Variants in TCEA1 observed in about 807,000 individuals in gnomAD.
TCEA1 encodes the protein transcription elongation factor A protein 1.
A neutral mutation model predicts 43.8 loss-of-function variants in TCEA1; 21 were observed. The ratio of observed to expected loss-of-function variants is 0.48; its 90% CI spans 0.34 to 0.69. TCEA1 has a LOEUF of 0.69. Ranked by LOEUF, TCEA1 falls within the 30% of genes least tolerant of loss-of-function variation. The pLI is 0.01. For synonymous variants in TCEA1, 104 were observed against 117.5 expected (o/e 0.88, Z 0.75); for missense variants, 250 against 365.1 (o/e 0.68, Z 2.57).
At chr8:54,000,987 G>C (rs966391562) in intron 2 of TCEA1, among the ~76,000 whole-genome samples, 6 of 151,932 alleles carry the variant, frequency 3.9e-5, no homozygotes, top group African/African-American at 1.2e-4. Context: ...TCAAACTCTA[G>C]ACCTCAGGTG....
At position 53,986,970 on chromosome 8, in the gene TCEA1, T is replaced by G; in HGVS notation, c.522A>C (p.Glu174Asp). Reference protein sequence around the residue: ...DEEELGSQIEEAIYQEIRNTD... With the variant: ...DEEELGSQIEDAIYQEIRNTD... Reference sequence around the variant, plus strand: ...TATGAATATACACACAAAGGATATCTTCTTCAATTTGAGATCCTAATTCTT... The same window carrying G: ...TATGAATATACACACAAAGGATATCGTCTTCAATTTGAGATCCTAATTCTT... Residue 174 changes from glutamate to aspartate, a missense_variant and splice_region_variant, in exon 6 of 10, where the codon GAA (glutamate) becomes GAC (aspartate). By Grantham distance (45) the Glu-to-Asp change is conservative (BLOSUM62 2). Coordinates refer to ENST00000521604, the MANE Select transcript of TCEA1 (RefSeq NM_006756.4). The G allele has an allele frequency of 6.3e-7, 1 of 1,591,290 alleles. No individual in the cohort carries two copies. The highest frequency in any genetic ancestry group is 1.7e-4 in the Middle Eastern group (1 of 6,020).
At chr8:54,001,247 T>C (rs1222847105) in intron 2 of TCEA1, among the ~76,000 whole-genome samples, 1 of 152,080 alleles carries the variant, frequency 6.6e-6, no homozygotes, top group Non-Finnish European at 1.5e-5. Context: ...ATATGGTCTA[T>C]GGAAGAAAAA....
chr8:53,977,577 T>C (rs1289389209), intron 8 of TCEA1, among the ~76,000 whole-genome samples: 2 of 152,196 alleles, frequency 1.3e-5, no homozygotes, highest in Admixed American at 1.3e-4. Context: ...TAATGTTCTA[T>C]CGGTGAAAAA....
intron 6 of TCEA1, among the ~76,000 whole-genome samples, chr8:53,985,815 T>TCC (rs931552930): frequency 2.0e-5 from 3 of 152,112 alleles, no homozygotes; most frequent in Non-Finnish European, 2.9e-5. Flanking sequence ...TGCTCTGAGG[T>TCC]CCCCCTAACT....
intron 1 of TCEA1, among the ~76,000 whole-genome samples, chr8:54,013,751 G>A (rs1429770639): frequency 3.1e-4 from 46 of 150,632 alleles, no homozygotes; most frequent in Non-Finnish European, 1.5e-5. Context: ...CTGAATGAGT[G>A]AAATGCAAAA....
intron 1 of TCEA1, among the ~76,000 whole-genome samples, chr8:54,012,797 T>C (rs1343540695): frequency 6.6e-6 from 1 of 151,970 alleles, no homozygotes; most frequent in Non-Finnish European, 1.5e-5. Flanking sequence ...AAAAATTAGC[T>C]GGCCATAGTG....
At chr8:53,992,876 C>T (rs182397608) in intron 4 of TCEA1, among the ~76,000 whole-genome samples, 6 of 151,858 alleles carry the variant, frequency 4.0e-5, no homozygotes, top group Non-Finnish European at 8.8e-5. Flanking sequence ...AGAACACATG[C>T]AAAGGCCTCA....
At chr8:54,004,684 T>C (rs992962601) in intron 2 of TCEA1, among the ~76,000 whole-genome samples, 6 of 152,100 alleles carry the variant, frequency 3.9e-5, no homozygotes, top group African/African-American at 9.7e-5. Context: ...CTAAAGTTAA[T>C]TGTGGTGATA....
chr8:53,995,851 T>C (rs769615792), intron 3 of TCEA1, among the ~76,000 whole-genome samples: 22 of 152,340 alleles, frequency 1.4e-4, no homozygotes, highest in African/African-American at 2.4e-4. Context: ...TCTTGTAAAG[T>C]TGAAGTTTGT....
chr8:53,985,567 A>G (rs12114842), intron 6 of TCEA1, among the ~76,000 whole-genome samples: 6 of 152,300 alleles, frequency 3.9e-5, no homozygotes, highest in African/African-American at 1.4e-4. Context: ...CCCCCAGCTC[A>G]GCAGGAGCTA....
intron 9 of TCEA1, among the ~76,000 whole-genome samples, chr8:53,969,617 A>G (rs1304064401): frequency 6.6e-6 from 1 of 152,190 alleles, no homozygotes; most frequent in Non-Finnish European, 1.5e-5. Context: ...TCACAATCCG[A>G]AATGTAGGTA....
At chr8:53,993,580 G>A in intron 4 of TCEA1, 88 bp downstream of exon 4, 1 of 1,039,650 alleles carries the variant, frequency 9.6e-7, no homozygotes, top group Non-Finnish European at 1.4e-6. Context: ...AAAAAGGAGT[G>A]TAAATAGGGG....
intron 4 of TCEA1, 150 bp from the exon 5 acceptor site, chr8:53,988,409 GCATA>G: frequency 6.6e-6 from 6 of 914,114 alleles, no homozygotes; most frequent in Non-Finnish European, 9.2e-6. Flanking sequence ...AAAATTGCCT[GCATA>G]CAGATTAAAA....
intron 7 of TCEA1, among the ~76,000 whole-genome samples, chr8:53,983,542 CAGG>C (rs1159752681): frequency 6.6e-6 from 1 of 152,078 alleles, no homozygotes; most frequent in South Asian, 2.1e-4. Context: ...GTGATCCCAG[CAGG>C]AGATTACAGG....
chr8:53,997,338 G>A (rs1221929818), intron 3 of TCEA1, among the ~76,000 whole-genome samples: 1 of 152,146 alleles, frequency 6.6e-6, no homozygotes, highest in Non-Finnish European at 1.5e-5. Flanking sequence ...TAAATTGGGA[G>A]GGGAGGAAAA....
rs1326368729 is a variant in TCEA1, at chr8:54,022,216, G to C, written c.-91C>G. The C allele has an allele frequency of 3.5e-6, 5 of 1,411,924 alleles. No homozygotes were observed. The highest frequency in any genetic ancestry group is 4.9e-6 in the Non-Finnish European group (5 of 1,010,628). 87.5% of individuals were successfully genotyped at this position (1,411,924 alleles called of 1,614,324 possible). A position where few individuals can be genotyped will look rare whatever the true frequency, so the allele number is the denominator to read the frequency against. On this transcript the variant is annotated 5_prime_UTR_variant, in exon 1 of 10. Transcript: ENST00000521604. ...AGACACAGCAGGAGCGACCCCCGGC[G>C]CGCAGCAACCCCCACCACCGCAGGC...
chr8:54,009,829 C>G (rs1258606423), intron 2 of TCEA1: 3 of 152,144 alleles, frequency 2.0e-5, no homozygotes, highest in Non-Finnish European at 4.4e-5. Flanking sequence ...TTGAAATGCT[C>G]CCAACACAGA....
intron 2 of TCEA1, among the ~76,000 whole-genome samples, chr8:54,006,969 C>G (rs75589129): frequency 0.13 from 19,179 of 152,124 alleles, 3,188 homozygotes; most frequent in African/African-American, 0.39. Context: ...TCCCGAGTAG[C>G]TGGGATTATT....
At chr8:53,971,931 A>G (rs957398911) in intron 8 of TCEA1, 36 of 184,076 alleles carry the variant, frequency 2.0e-4, no homozygotes, top group African/African-American at 5.8e-4. Flanking sequence ...AGCTCCCAAC[A>G]TAAGTCCAAA....
Sources: gnomAD v4.1 joint callset for allele counts (sites outside exome capture counted in the v4.1 genomes callset) on GRCh38, gnomAD v4.1.1 for gene constraint, MANE v1.5 for transcripts, NCBI Gene and HGNC (gene_info 2026-07-23, HGNC 2026-07-21) for gene names.